SLC24A2: variants seen among roughly 807,000 people sequenced by gnomAD.
The protein encoded by SLC24A2 is solute carrier family 24 member 2, also known as sodium/potassium/calcium exchanger 2.
SLC24A2 carries 36 observed loss-of-function variants against 62.0 expected under a neutral mutation model. The observed-to-expected ratio is 0.58, with a 90% CI of 0.44 to 0.77. The LOEUF (loss-of-function observed/expected upper bound fraction) is 0.77, where lower values mean the gene tolerates loss of function less well. Among genes scored for constraint, SLC24A2 ranks in the 30% least tolerant of loss-of-function variants. The pLI, the probability that SLC24A2 is intolerant of heterozygous loss-of-function variation, is 0.00. For missense variants in SLC24A2, 846 were observed against 817.9 expected (o/e 1.03, Z -0.42); for synonymous variants, 358 against 294.0 (o/e 1.22, Z -2.23).
Position 19,672,724 on chromosome 9 carries a change from T to A in SLC24A2, c.931-50425A>T, listed in dbSNP as rs1819454563. Among the ~76,000 whole-genome samples, 2 of 146,374 alleles carry A rather than the reference T, an allele frequency of 1.4e-5. 1 individual carries two copies. The highest frequency in any genetic ancestry group is 1.3e-4 in the Admixed American group (2 of 14,990). On this transcript the variant is annotated intron_variant, in intron 2 of 10. Transcript: ENST00000341998. ...CTTTGCTGTATCCCAGAGGTTTTGA[T>A]AGGTTGTGTCACTATTATCATTCAG...
the SLC24A2 span, among the ~76,000 whole-genome samples, chr9:19,948,793 G>C: frequency 2.0e-5 from 3 of 146,876 alleles, no homozygotes; most frequent in Admixed American, 6.8e-5. Context: ...TGCAGTGAGC[G>C]GAGATCGCGC....
chr9:20,019,243 A>AGGAAAG, the SLC24A2 span, among the ~76,000 whole-genome samples: 1 of 144,462 alleles, frequency 6.9e-6, no homozygotes, highest in Admixed American at 7.1e-5. Flanking sequence ...AAGAAAAAGA[A>AGGAAAG]AGAAGGAAAG....
At chr9:20,159,803 T>C in the SLC24A2 span, among the ~76,000 whole-genome samples, 1 of 151,426 alleles carries the variant, frequency 6.6e-6, no homozygotes, top group Admixed American at 6.6e-5. Flanking sequence ...AAAATACAAG[T>C]AGTATTTGGT....
the SLC24A2 span, among the ~76,000 whole-genome samples, chr9:20,079,064 A>G: frequency 1.4e-5 from 2 of 143,280 alleles, no homozygotes; most frequent in South Asian, 2.4e-4. Flanking sequence ...CCTTGAGATA[A>G]GATCATCCTG....
the SLC24A2 span, among the ~76,000 whole-genome samples, chr9:20,061,493 G>T: frequency 6.6e-6 from 1 of 151,894 alleles, no homozygotes; most frequent in East Asian, 1.9e-4. Flanking sequence ...CACCATTTTG[G>T]CCAGGCTGGT....
chr9:20,227,751 T>A, the SLC24A2 span, among the ~76,000 whole-genome samples: 1 of 152,160 alleles, frequency 6.6e-6, no homozygotes, highest in African/African-American at 2.4e-5. Flanking sequence ...GAATCTCTAA[T>A]GTTATTGCCT....
chr9:20,016,378 A>G, the SLC24A2 span, among the ~76,000 whole-genome samples: 2 of 152,222 alleles, frequency 1.3e-5, no homozygotes, highest in Non-Finnish European at 2.9e-5. Context: ...ATGTGGATGT[A>G]TAATAAACTT....
chr9:19,708,842 A>T (rs1034068959), intron 2 of SLC24A2, among the ~76,000 whole-genome samples: 15 of 152,202 alleles, frequency 9.9e-5, no homozygotes, highest in Non-Finnish European at 2.1e-4. Context: ...GGACATAGGC[A>T]TGGGCAAGGA....
chr9:20,051,590 A>G, the SLC24A2 span, among the ~76,000 whole-genome samples: 27 of 149,410 alleles, frequency 1.8e-4, no homozygotes, highest in Admixed American at 1.4e-3. Flanking sequence ...CCACATAGTG[A>G]GCCATAAATT....
chr9:20,097,209 C>G, the SLC24A2 span, among the ~76,000 whole-genome samples: 2 of 152,220 alleles, frequency 1.3e-5, no homozygotes, highest in East Asian at 3.9e-4. Context: ...TTGTTGGCCT[C>G]TATCTCTGTA....
intron 2 of SLC24A2, among the ~76,000 whole-genome samples, chr9:19,744,649 A>C (rs973059961): frequency 2.0e-5 from 3 of 152,204 alleles, no homozygotes; most frequent in African/African-American, 7.2e-5. Context: ...CTGGATTTAC[A>C]TATGAAATCT....
At chr9:20,053,537 A>T in the SLC24A2 span, among the ~76,000 whole-genome samples, 1 of 152,036 alleles carries the variant, frequency 6.6e-6, no homozygotes, top group Non-Finnish European at 1.5e-5. Context: ...CAACCCTGAA[A>T]ATTCATATGT....
the SLC24A2 span, among the ~76,000 whole-genome samples, chr9:20,124,037 A>C: frequency 6.6e-6 from 1 of 152,194 alleles, no homozygotes; most frequent in Non-Finnish European, 1.5e-5. Flanking sequence ...TAGCATGAAA[A>C]GTTGTTTTGT....
At chr9:19,850,790 A>G in the SLC24A2 span, among the ~76,000 whole-genome samples, 70,346 of 149,818 alleles carry the variant, frequency 0.47, 18,990 homozygotes, top group Non-Finnish European at 0.6. Context: ...AGCATGTGTC[A>G]ATATTTCATT....
chr9:20,154,090 T>C, the SLC24A2 span, among the ~76,000 whole-genome samples: 1 of 151,918 alleles, frequency 6.6e-6, no homozygotes, highest in African/African-American at 2.4e-5. Context: ...GGTTACTCTA[T>C]ACTGTTACTC....
chr9:20,085,939 A>G, the SLC24A2 span, among the ~76,000 whole-genome samples: 1 of 152,132 alleles, frequency 6.6e-6, no homozygotes, highest in Middle Eastern at 3.2e-3. Flanking sequence ...GAGCAAATGC[A>G]TGGAAAGTGA....
At chr9:19,639,108 G>GT (rs147144497) in intron 2 of SLC24A2, among the ~76,000 whole-genome samples, 112,440 of 151,320 alleles carry the variant, frequency 0.74, 41,856 homozygotes, top group East Asian at 0.86. Flanking sequence ...TTTGCAAGTG[G>GT]TTTTTTCCCC....
chr9:19,900,926 G>T, the SLC24A2 span, among the ~76,000 whole-genome samples: 8 of 152,302 alleles, frequency 5.3e-5, no homozygotes, highest in Non-Finnish European at 1.2e-4. Context: ...ATCACAGGTA[G>T]ACAACAAACT....
intron 2 of SLC24A2, among the ~76,000 whole-genome samples, chr9:19,754,906 G>A (rs1822094303): frequency 6.6e-6 from 1 of 152,044 alleles, no homozygotes; most frequent in Non-Finnish European, 1.5e-5. Flanking sequence ...CTGCTCCACA[G>A]GCCTTTCAAT....
Sources: gnomAD v4.1 joint callset for allele counts (sites outside exome capture counted in the v4.1 genomes callset) on GRCh38, gnomAD v4.1.1 for gene constraint, MANE v1.5 for transcripts, NCBI Gene and HGNC (gene_info 2026-07-23, HGNC 2026-07-21) for gene names.